The following FSTL5 variants were observed in gnomAD, a reference collection of about 807,000 sequenced individuals.
FSTL5 encodes the protein follistatin like 5.
FSTL5 carries 62 observed loss-of-function variants against 89.1 expected under a neutral mutation model. The observed-to-expected ratio is 0.70, with a 90% CI of 0.57 to 0.86. FSTL5 has a LOEUF of 0.86. FSTL5 is among the 40% of genes least tolerant of loss of function. The probability of loss-of-function intolerance (pLI) is 0.00; values close to 1 mark genes in which losing one functional copy is unlikely to be tolerated. For synonymous variants in FSTL5, 383 were observed against 346.2 expected (o/e 1.11, Z -1.18); for missense variants, 1,057 against 1,001.6 (o/e 1.06, Z -0.75).
intron 8 of FSTL5, among the ~76,000 whole-genome samples, chr4:161,572,342 AAAG>A (rs1327380760): frequency 2.0e-5 from 3 of 147,576 alleles, no homozygotes; most frequent in South Asian, 4.3e-4. Flanking sequence ...AAAAAAAAAA[AAAG>A]AGAGAGAGAG....
intron 7 of FSTL5, among the ~76,000 whole-genome samples, chr4:161,646,272 AT>A (rs1736152258): frequency 6.7e-6 from 1 of 148,966 alleles, no homozygotes; most frequent in South Asian, 2.1e-4. Context: ...TATATCTCAT[AT>A]ATTATATATA....
intron 4 of FSTL5, among the ~76,000 whole-genome samples, chr4:161,905,639 G>C (rs931565476): frequency 4.6e-5 from 7 of 152,134 alleles, no homozygotes; most frequent in Non-Finnish European, 7.3e-5. Flanking sequence ...CTTTGCCACT[G>C]ATGTTCAAAG....
intron 3 of FSTL5, among the ~76,000 whole-genome samples, chr4:162,002,502 A>G (rs1560963971): frequency 1.3e-5 from 2 of 152,136 alleles, no homozygotes; most frequent in Non-Finnish European, 2.9e-5. Context: ...GTGGGATTAT[A>G]TATATCTTGT....
At chr4:161,948,194 G>A (rs2110943759) in intron 3 of FSTL5, among the ~76,000 whole-genome samples, 1 of 150,780 alleles carries the variant, frequency 6.6e-6, no homozygotes, top group South Asian at 2.1e-4. Context: ...GAAGCTAGAG[G>A]ATTGCTTGAG....
intron 6 of FSTL5, among the ~76,000 whole-genome samples, chr4:161,657,261 G>A (rs1323836647): frequency 1.3e-5 from 2 of 152,150 alleles, no homozygotes; most frequent in African/African-American, 4.8e-5. Context: ...ATTTTCATGA[G>A]AGATGACTAG....
At chr4:161,468,638 T>C (rs556497531) in intron 13 of FSTL5, among the ~76,000 whole-genome samples, 1 of 152,298 alleles carries the variant, frequency 6.6e-6, no homozygotes, top group Admixed American at 6.5e-5. Flanking sequence ...CTAAGTCAGT[T>C]CATTTGGTCA....
At chr4:161,498,802 A>G in intron 12 of FSTL5, among the ~76,000 whole-genome samples, 1 of 152,290 alleles carries the variant, frequency 6.6e-6, no homozygotes, top group African/African-American at 2.4e-5. Flanking sequence ...TTCTTTTATC[A>G]GCAATAATTT....
intron 1 of FSTL5, among the ~76,000 whole-genome samples, chr4:162,149,805 T>C (rs920639137): frequency 2.0e-5 from 3 of 152,198 alleles, no homozygotes; most frequent in Non-Finnish European, 4.4e-5. Flanking sequence ...TGCTACCTTA[T>C]GATTTTACTT....
At chr4:161,808,872 A>G (rs1730053827) in intron 4 of FSTL5, among the ~76,000 whole-genome samples, 1 of 152,208 alleles carries the variant, frequency 6.6e-6, no homozygotes, top group Non-Finnish European at 1.5e-5. Context: ...AGAAAGACAC[A>G]TAAATGGCCA....
intron 2 of FSTL5, among the ~76,000 whole-genome samples, chr4:162,103,618 CA>C: frequency 6.6e-6 from 1 of 152,312 alleles, no homozygotes; most frequent in South Asian, 2.1e-4. Context: ...CTCTCTGAAG[CA>C]AAAGGCTAGT....
intron 3 of FSTL5, among the ~76,000 whole-genome samples, chr4:161,978,271 CTAAT>C (rs1735720665): frequency 6.6e-6 from 1 of 151,996 alleles, no homozygotes; most frequent in African/African-American, 2.4e-5. Context: ...ATCTTGTGAA[CTAAT>C]TGATTATAAG....
chr4:161,779,787 A>G lies in FSTL5; in HGVS notation c.410-3713T>C, dbSNP rs374147788. 2.1e-3 allele frequency among the ~76,000 whole-genome samples: 62 copies of G among 30,100 alleles called. 2 individuals are homozygous for G. In the East Asian group the frequency reaches 0.036, roughly 17 times the overall value. The allele number at this position is 30,100 out of a possible 152,430, so 19.7% of individuals were successfully genotyped here. A position where few individuals can be genotyped will look rare whatever the true frequency, so the allele number is the denominator to read the frequency against. On this transcript the variant is annotated intron_variant, in intron 4 of 15. Coordinates refer to ENST00000306100, the MANE Select transcript of FSTL5 (RefSeq NM_020116.5). ...TATATATATATATGTATATATATAT[A>G]TATATATATATATATATATATATGT...
At chr4:162,065,114 T>C (rs987373258) in intron 2 of FSTL5, among the ~76,000 whole-genome samples, 1 of 151,942 alleles carries the variant, frequency 6.6e-6, no homozygotes, top group Non-Finnish European at 1.5e-5. Flanking sequence ...TAACATGGAA[T>C]AAAGACTTAC....
rs773268658 is a variant in FSTL5, at chr4:161,569,750, AACACACAAAC to A, written c.1015+17695_1015+17704del. Among the ~76,000 whole-genome samples the A allele has an allele frequency of 9.1e-3, 938 of 103,352 alleles. 10 individuals are homozygous for A. Among genetic ancestry groups the A allele is most frequent in the African/African-American group, 0.027 (795 of 29,240 alleles). The allele number at this position is 103,352 out of a possible 152,430, so 67.8% of individuals were successfully genotyped here. ...AAAGGAAAATGAGATCTTTAAGTCC[AACACACAAAC>A]ACACACACACACACACACACACACA... is the stretch of plus-strand genomic sequence containing the variant. On this transcript the variant is annotated intron_variant, in intron 8 of 15. Transcript: ENST00000306100.
intron 8 of FSTL5, among the ~76,000 whole-genome samples, chr4:161,551,968 A>G (rs1002329307): frequency 6.6e-6 from 1 of 152,056 alleles, no homozygotes; most frequent in Non-Finnish European, 1.5e-5. Flanking sequence ...ATGGCAACAA[A>G]AGACAAAATT....
chr4:162,026,155 G>C (rs957945293), intron 3 of FSTL5, among the ~76,000 whole-genome samples: 19 of 151,628 alleles, frequency 1.3e-4, no homozygotes, highest in African/African-American at 4.6e-4. Context: ...TTCAAGAGCT[G>C]CTCTTTCATA....
chr4:161,636,237 T>C (rs951663697), intron 7 of FSTL5, among the ~76,000 whole-genome samples: 5 of 152,144 alleles, frequency 3.3e-5, no homozygotes, highest in Non-Finnish European at 5.9e-5. Flanking sequence ...ATGGTGTATA[T>C]GGATACTATT....
At chr4:162,061,315 G>C (rs1738710932) in intron 2 of FSTL5, among the ~76,000 whole-genome samples, 1 of 152,086 alleles carries the variant, frequency 6.6e-6, no homozygotes, top group African/African-American at 2.4e-5. Context: ...AGGGAATGCT[G>C]AATCTAAAGA....
intron 7 of FSTL5, among the ~76,000 whole-genome samples, chr4:161,602,253 AAGAGAGAGAGAGAGAGAGAG>A (rs58991875): frequency 9.8e-5 from 12 of 122,732 alleles, no homozygotes; most frequent in Admixed American, 1.6e-4. Flanking sequence ...GAGGGAGAGA[AAGAGAGAGAGAGAGAGAGAG>A]AGAGAGAGAG....
Sources: allele counts gnomAD v4.1 joint callset (sites outside exome capture counted in the v4.1 genomes callset), GRCh38; gene constraint gnomAD v4.1.1; transcripts MANE v1.5; gene names NCBI Gene and HGNC (gene_info 2026-07-23, HGNC 2026-07-21).